SAMD4B: variants seen among roughly 807,000 people sequenced by gnomAD.
SAMD4B encodes the protein protein Smaug homolog 2.
A neutral mutation model predicts 74.5 loss-of-function variants in SAMD4B; 5 were observed. The observed-to-expected ratio is 0.07, with a 90% CI of 0.04 to 0.14. The LOEUF is 0.14. SAMD4B is among the 10% of genes least tolerant of loss of function. The pLI is 1.00. For missense variants in SAMD4B, 608 were observed against 921.8 expected, an observed-to-expected ratio of 0.66 and a Z score of 4.41; for synonymous variants, 373 against 374.9, an observed-to-expected ratio of 1.00 and a Z score of 0.06.
chr19:39,343,355 G>A (rs1363605535), intron 1 of SAMD4B, among the ~76,000 whole-genome samples: 1 of 130,202 alleles, frequency 7.7e-6, no homozygotes, highest in African/African-American at 3.0e-5. Flanking sequence ...TGCCCCCGAC[G>A]GACCGTGATC....
At chr19:39,389,734 C>T, downstream of SAMD4B, 1 of 1,614,140 alleles carries the variant, frequency 6.2e-7, no homozygotes, top group Non-Finnish European at 8.5e-7. The surrounding 1 kb of genome is among the most constrained non-coding windows in gnomAD (Gnocchi z 5.3). Flanking sequence ...GCTGTTTCTC[C>T]AAGGAAGTGG....
chr19:39,355,703 G>C (rs1338758611), intron 2 of SAMD4B, among the ~76,000 whole-genome samples: 3 of 152,294 alleles, frequency 2.0e-5, no homozygotes, highest in African/African-American at 4.8e-5. Flanking sequence ...CTGAAAAATA[G>C]GTCTGTTGTT....
intron 3 of SAMD4B, chr19:39,359,940 C>CT (rs2076550050): frequency 6.6e-6 from 1 of 152,168 alleles, no homozygotes. Context: ...AATCCCAGCA[C>CT]TTTGGGAGGC....
At chr19:39,353,906 T>G (rs1333846999) in intron 1 of SAMD4B, 100 bp from the exon 2 acceptor site, 3 of 152,180 alleles carry the variant, frequency 2.0e-5, no homozygotes, top group Non-Finnish European at 4.4e-5. Flanking sequence ...CTGGCCAGAT[T>G]AGGCATGTTT....
At chr19:39,381,187 A>G in intron 12 of SAMD4B, 74 bp downstream of exon 12, 1 of 1,500,158 alleles carries the variant, frequency 6.7e-7, no homozygotes, top group Non-Finnish European at 8.9e-7. Context: ...CCTGGGTCTC[A>G]TGTCCACTGT....
chr19:39,369,637 T>C lies in SAMD4B; in HGVS notation c.197-18T>C. On this transcript the variant is annotated intron_variant, in intron 3 of 13. Transcript: ENST00000610417. ...CCCACCCTGGCTCTCCTGATATTTCTTCTTATCCCTTCTGTAGCCATCGTC... is the reference window on the plus strand; with the variant it reads ...CCCACCCTGGCTCTCCTGATATTTCCTCTTATCCCTTCTGTAGCCATCGTC... The C allele has an allele frequency of 3.1e-6, 5 of 1,608,762 alleles. No individual in the cohort carries two copies. Among genetic ancestry groups the C allele is most frequent in the Non-Finnish European group, 4.3e-6 (5 of 1,176,406 alleles).
the SAMD4B span, chr19:39,390,741 G>A: frequency 9.7e-6 from 14 of 1,449,446 alleles, no homozygotes; most frequent in Non-Finnish European, 1.2e-5. Context: ...GGGCAGACCT[G>A]GGGGCTGGTG....
At chr19:39,349,668 AC>A (rs2075912653) in intron 1 of SAMD4B, 1 of 152,210 alleles carries the variant, frequency 6.6e-6, no homozygotes, top group Non-Finnish European at 1.5e-5. Flanking sequence ...CTAGCCTGTT[AC>A]CTTGTTCATG....
In SAMD4B at chr19:39,385,567, C is replaced by A; in HGVS notation, c.*2040C>A. 2 of 498,058 alleles carry A rather than the reference C, an allele frequency of 4.0e-6. No homozygotes were observed. Among genetic ancestry groups the A allele is most frequent in the Non-Finnish European group, 7.0e-6 (2 of 285,858 alleles). 30.9% of individuals were successfully genotyped at this position (498,058 alleles called of 1,614,324 possible). ...CCTCCCTACCCACTTCTGTCCCCGGCCCCACTGGCAGAATCAGCTTTGAGT... is the reference window on the plus strand; with the variant it reads ...CCTCCCTACCCACTTCTGTCCCCGGACCCACTGGCAGAATCAGCTTTGAGT... On this transcript the variant is annotated 3_prime_UTR_variant, in exon 14 of 14. Coordinates refer to ENST00000610417, the MANE Select transcript of SAMD4B (RefSeq NM_001384574.2).
chr19:39,390,453 G>A (rs117568422), downstream of SAMD4B, among the ~76,000 whole-genome samples: 1 of 152,330 alleles, frequency 6.6e-6, no homozygotes, highest in East Asian at 1.9e-4. Flanking sequence ...GGAGACAAAT[G>A]TTCAATTTAT....
chr19:39,383,710 C>T lies in SAMD4B; in HGVS notation c.*183C>T, dbSNP rs1413931788. On this transcript the variant is annotated 3_prime_UTR_variant, in exon 14 of 14. Coordinates refer to ENST00000610417, the MANE Select transcript of SAMD4B (RefSeq NM_001384574.2). This position sits in a 1 kb window ranked among gnomAD's most constrained non-coding sequence, Gnocchi z 4.1. ...GCACATGCCTTGCTCACTCCCAGGC[C>T]CGTCGAGGGATCTCTGCTGAGGCCC... 1 of 1,538,178 alleles carries T rather than the reference C, an allele frequency of 6.5e-7. No individual in the cohort carries two copies. The highest frequency in any genetic ancestry group is 8.7e-7 in the Non-Finnish European group (1 of 1,147,518).
intron 3 of SAMD4B, among the ~76,000 whole-genome samples, 167 bp downstream of exon 3, chr19:39,357,256 CTG>C (rs968385552): frequency 6.6e-6 from 1 of 152,078 alleles, no homozygotes; most frequent in African/African-American, 2.4e-5. Flanking sequence ...TCTTCTGGGA[CTG>C]TGTTGCCATA....
chr19:39,372,777 A>C (rs908174278), intron 4 of SAMD4B, among the ~76,000 whole-genome samples: 1 of 152,026 alleles, frequency 6.6e-6, no homozygotes, highest in South Asian at 2.1e-4. Context: ...AGGGAGAAAG[A>C]AGGAGGCCAG....
At chr19:39,359,357 A>G (rs1033846662) in intron 3 of SAMD4B, among the ~76,000 whole-genome samples, 1 of 152,248 alleles carries the variant, frequency 6.6e-6, no homozygotes, top group African/African-American at 2.4e-5. Context: ...CAGTAAAATC[A>G]GATAGTACAA....
At chr19:39,390,223 T>TGCCCCACC, downstream of SAMD4B, 1 of 1,613,490 alleles carries the variant, frequency 6.2e-7, no homozygotes, top group East Asian at 2.2e-5. Context: ...CCAGCCCCAC[T>TGCCCCACC]GCCCCACCGC....
downstream of SAMD4B, chr19:39,386,846 GAC>G (rs1458751975): frequency 2.3e-6 from 3 of 1,308,554 alleles, no homozygotes; most frequent in Non-Finnish European, 3.3e-6. This position sits in a 1 kb window ranked among gnomAD's most constrained non-coding sequence, Gnocchi z 6.1. Flanking sequence ...TGCAGTTAAA[GAC>G]ACACCTCCCA....
chr19:39,390,049 T>C (rs751387474), downstream of SAMD4B: 7 of 1,593,366 alleles, frequency 4.4e-6, no homozygotes, highest in South Asian at 7.7e-5. Flanking sequence ...CTGAGTAGTT[T>C]TCCCATTCCT....
rs972431742 is a variant in SAMD4B, at chr19:39,375,589, G to A, written c.668-61G>A. 3 of 1,565,152 alleles carry A rather than the reference G, an allele frequency of 1.9e-6. No individual in the cohort carries two copies. Among genetic ancestry groups the A allele is most frequent in the Middle Eastern group, 1.7e-4 (1 of 5,844 alleles). Reference sequence around the variant, plus strand: ...GCCATCCTGGCACTGACGGCAGGGGGATGGTCTCCTGTGGTTGGGTCCCCA... The same window carrying A: ...GCCATCCTGGCACTGACGGCAGGGGAATGGTCTCCTGTGGTTGGGTCCCCA... On this transcript the variant is annotated intron_variant, in intron 4 of 13. Transcript: ENST00000610417. The surrounding 1 kb of genome is among the most constrained non-coding windows in gnomAD (Gnocchi z 4.1).
chr19:39,389,845 G>C, downstream of SAMD4B: 1 of 1,572,658 alleles, frequency 6.4e-7, no homozygotes, highest in Non-Finnish European at 8.7e-7. This position sits in a 1 kb window ranked among gnomAD's most constrained non-coding sequence, Gnocchi z 5.3. Flanking sequence ...AGCTTCTCTG[G>C]GGAGGAACTC....
Sources: allele counts gnomAD v4.1 joint callset (sites outside exome capture counted in the v4.1 genomes callset), GRCh38; gene constraint gnomAD v4.1.1; non-coding constraint Gnocchi (gnomAD v3.1); transcripts MANE v1.5; gene names NCBI Gene and HGNC (gene_info 2026-07-23, HGNC 2026-07-21).